ATOSA: variants seen among roughly 807,000 people sequenced by gnomAD.
ATOSA encodes the protein atos homolog A.
the ATOSA span, among the ~76,000 whole-genome samples, chr15:52,638,667 C>T: frequency 6.9e-6 from 1 of 145,484 alleles, no homozygotes; most frequent in Non-Finnish European, 1.5e-5. Context: ...CACCACTGCA[C>T]TCCAGCCTGG....
At chr15:52,591,797 C>T in the ATOSA span, among the ~76,000 whole-genome samples, 1 of 152,096 alleles carries the variant, frequency 6.6e-6, no homozygotes, top group African/African-American at 2.4e-5. Context: ...AAAGTGGGTA[C>T]ATCTTTCTAT....
chr15:52,651,841 A>C, the ATOSA span: 1 of 1,534,146 alleles, frequency 6.5e-7, no homozygotes, highest in South Asian at 1.2e-5. Context: ...CTTAAAAATA[A>C]AGCCGTTAAA....
chr15:52,599,311 T>C, the ATOSA span, among the ~76,000 whole-genome samples: 2,314 of 152,276 alleles, frequency 0.015, 61 homozygotes, highest in African/African-American at 0.054. Context: ...CAAAGAGGAA[T>C]AGAGAGCTTG....
At chr15:52,636,319 C>T in the ATOSA span, among the ~76,000 whole-genome samples, 1 of 151,948 alleles carries the variant, frequency 6.6e-6, no homozygotes, top group African/African-American at 2.4e-5. Flanking sequence ...TTGCACCACC[C>T]TTTACTCTGA....
At chr15:52,584,788 G>A in the ATOSA span, 2 of 1,613,518 alleles carry the variant, frequency 1.2e-6, no homozygotes. Context: ...TCTGTGTGTC[G>A]GATGTTCTCT....
the ATOSA span, among the ~76,000 whole-genome samples, chr15:52,612,403 C>A: frequency 1.1e-4 from 16 of 152,086 alleles, no homozygotes; most frequent in Admixed American, 9.8e-4. Flanking sequence ...GCCTTGCCTA[C>A]TTTATTAATT....
At chr15:52,608,498 C>A in the ATOSA span, 3 of 1,464,902 alleles carry the variant, frequency 2.0e-6, no homozygotes, top group Non-Finnish European at 2.7e-6. Flanking sequence ...ATAACCAGAT[C>A]TCCTGTGAAC....
the ATOSA span, among the ~76,000 whole-genome samples, chr15:52,641,462 C>T: frequency 2.6e-5 from 4 of 152,118 alleles, no homozygotes; most frequent in South Asian, 2.1e-4. Flanking sequence ...CCATGTTCCA[C>T]GAAAGCAGAA....
the ATOSA span, chr15:52,586,487 A>G: frequency 6.6e-6 from 1 of 152,236 alleles, no homozygotes; most frequent in Non-Finnish European, 1.5e-5. Flanking sequence ...TCAGTCTGCA[A>G]ACTCTGTAAT....
the ATOSA span, among the ~76,000 whole-genome samples, chr15:52,634,975 C>G: frequency 6.6e-6 from 1 of 152,036 alleles, no homozygotes; most frequent in African/African-American, 2.4e-5. Context: ...CATGCTAACA[C>G]TAATCAAAAG....
the ATOSA span, among the ~76,000 whole-genome samples, chr15:52,618,077 C>T: frequency 1.3e-5 from 2 of 151,264 alleles, no homozygotes; most frequent in Admixed American, 6.6e-5. Flanking sequence ...CTCACTCTGT[C>T]GCCCAGGCTG....
chr15:52,676,225 G>A, the ATOSA span, among the ~76,000 whole-genome samples: 9 of 151,952 alleles, frequency 5.9e-5, no homozygotes, highest in African/African-American at 1.9e-4. Flanking sequence ...ATTTATATAG[G>A]ATAGTTCTTT....
the ATOSA span, among the ~76,000 whole-genome samples, chr15:52,695,205 G>A: frequency 6.6e-6 from 1 of 152,272 alleles, no homozygotes; most frequent in East Asian, 1.9e-4. Flanking sequence ...GATTACAGAT[G>A]TGAGCCACCA....
chr15:52,640,279 G>C, the ATOSA span, among the ~76,000 whole-genome samples: 1 of 151,620 alleles, frequency 6.6e-6, no homozygotes, highest in Non-Finnish European at 1.5e-5. Flanking sequence ...TAACAAAAAA[G>C]CTTCCAATTA....
At chr15:52,583,233 G>T in the ATOSA span, among the ~76,000 whole-genome samples, 1 of 152,204 alleles carries the variant, frequency 6.6e-6, no homozygotes, top group African/African-American at 2.4e-5. Context: ...AAAAGCTAAG[G>T]TGGCTGATTT....
chr15:52,615,102 C>T, the ATOSA span, among the ~76,000 whole-genome samples: 7 of 152,272 alleles, frequency 4.6e-5, no homozygotes, highest in Admixed American at 4.6e-4. Context: ...GTCCTCTGTG[C>T]TTTTACTATA....
chr15:52,692,008 A>G, the ATOSA span, among the ~76,000 whole-genome samples: 1 of 152,122 alleles, frequency 6.6e-6, no homozygotes, highest in Non-Finnish European at 1.5e-5. Context: ...GCAAAGGAAA[A>G]GGACACAAAG....
At chr15:52,625,347 T>C in the ATOSA span, among the ~76,000 whole-genome samples, 1 of 152,142 alleles carries the variant, frequency 6.6e-6, no homozygotes, top group Admixed American at 6.5e-5. Context: ...ACCACGGCTA[T>C]AAGTGAAAGC....
At chr15:52,695,566 T>A in the ATOSA span, among the ~76,000 whole-genome samples, 1 of 152,224 alleles carries the variant, frequency 6.6e-6, no homozygotes, top group Non-Finnish European at 1.5e-5. Flanking sequence ...GTTGTCGACG[T>A]TTGGAACAGT....
Sources: gnomAD v4.1 joint callset for allele counts (sites outside exome capture counted in the v4.1 genomes callset) on GRCh38, gnomAD v4.1.1 for gene constraint, MANE v1.5 for transcripts, NCBI Gene and HGNC (gene_info 2026-07-23, HGNC 2026-07-21) for gene names.